ZAP70: variants seen among roughly 807,000 people sequenced by gnomAD.
ZAP70 encodes the protein zeta chain of T cell receptor associated protein kinase 70.
Under a neutral mutation model 65.8 loss-of-function variants are expected in ZAP70, and 27 were observed. That is an observed-to-expected ratio of 0.41 (90% CI 0.30 to 0.57). ZAP70 has a LOEUF of 0.57. Among genes scored for constraint, ZAP70 ranks in the 20% least tolerant of loss-of-function variants. The pLI is 0.28. For synonymous variants in ZAP70, 363 were observed against 360.8 expected (o/e 1.01, Z -0.07); for missense variants, 696 against 870.5 (o/e 0.80, Z 2.52).
intron 4 of ZAP70, among the ~76,000 whole-genome samples, chr2:97,726,176 C>T (rs768358731): frequency 7.2e-5 from 11 of 152,066 alleles, no homozygotes; most frequent in Non-Finnish European, 1.2e-4. Context: ...GGTGAACGTG[C>T]GTGTCTGAGC....
chr2:97,714,363 C>T (rs1020396), intron 2 of ZAP70, among the ~76,000 whole-genome samples: 45,716 of 152,176 alleles, frequency 0.3, 8,528 homozygotes, highest in Non-Finnish European at 0.4. Context: ...TCACCAGGGC[C>T]GTGAGCTCCA....
At chr2:97,756,310 G>A in the ZAP70 span, 113 of 152,176 alleles carry the variant, frequency 7.4e-4, no homozygotes, top group African/African-American at 2.5e-3. Flanking sequence ...TACACCTTGT[G>A]TGTAAAAAAA....
At chr2:97,746,392 T>C in the ZAP70 span, among the ~76,000 whole-genome samples, 5 of 152,344 alleles carry the variant, frequency 3.3e-5, no homozygotes, top group African/African-American at 1.2e-4. Flanking sequence ...ATACAGTTAC[T>C]CTCTGTAAGT....
chr2:97,748,290 A>G, the ZAP70 span, among the ~76,000 whole-genome samples: 2 of 152,240 alleles, frequency 1.3e-5, no homozygotes, highest in South Asian at 4.1e-4. Flanking sequence ...GTGTTGGTAC[A>G]GTATTTATAA....
At position 97,737,144 on chromosome 2, in the gene ZAP70, C is replaced by G. The variant is rs1677923659; in HGVS notation, c.1290-329C>G. Among the ~76,000 whole-genome samples, 1 of 152,030 alleles carries G rather than the reference C, an allele frequency of 6.6e-6. No individual in the cohort carries two copies. The highest frequency in any genetic ancestry group is 1.5e-5 in the Non-Finnish European group (1 of 68,014). ...ACAGTGGAGGAGCCATATGTGTGTG[C>G]ACATGGGGATGGGGACAATCAGGCC... On this transcript the variant is annotated intron_variant, in intron 10 of 13. Coordinates refer to ENST00000264972, the MANE Select transcript of ZAP70 (RefSeq NM_001079.4). This position sits in a 1 kb window ranked among gnomAD's most constrained non-coding sequence, Gnocchi z 5.0.
chr2:97,754,834 T>C, the ZAP70 span, among the ~76,000 whole-genome samples: 14 of 152,202 alleles, frequency 9.2e-5, no homozygotes, highest in African/African-American at 3.4e-4. Flanking sequence ...CAAGTGCACG[T>C]AGGAAACCCT....
chr2:97,754,976 A>T, the ZAP70 span, among the ~76,000 whole-genome samples: 1 of 152,222 alleles, frequency 6.6e-6, no homozygotes, highest in African/African-American at 2.4e-5. Flanking sequence ...GCTTTGGTAT[A>T]AAGCAGAGAA....
In ZAP70 at chr2:97,724,790, G is replaced by A. The variant is rs944650476; in HGVS notation, c.403-302G>A. The A allele has an allele frequency of 8.0e-6, 12 of 1,506,560 alleles. No individual in the cohort carries two copies. The African/African-American group carries it at 1.2e-4, about 16-fold the overall frequency. The allele number at this position is 1,506,560 out of a possible 1,614,324, so 93.3% of individuals were successfully genotyped here. A position where few individuals can be genotyped will look rare whatever the true frequency, so the allele number is the denominator to read the frequency against. On this transcript the variant is annotated intron_variant, in intron 3 of 13. Transcript: ENST00000264972. The stretch of plus-strand genomic sequence containing the variant: ...GAGCCCTTAGGGTAGGGTGGCTGTT[G>A]GGGAAGATGGGCAGTAGTCGTCCAC...
At chr2:97,721,300 C>A (rs545527325) in intron 2 of ZAP70, among the ~76,000 whole-genome samples, 1 of 152,350 alleles carries the variant, frequency 6.6e-6, no homozygotes, top group African/African-American at 2.4e-5. Context: ...CAACATGGCA[C>A]TTTTGTGGTC....
rs1214865215 is a variant in ZAP70, at chr2:97,713,911, C to T, written c.-100-5C>T. On this transcript the variant is annotated splice_polypyrimidine_tract_variant and splice_region_variant and intron_variant, in intron 1 of 13. Coordinates refer to ENST00000264972, the MANE Select transcript of ZAP70 (RefSeq NM_001079.4). The stretch of plus-strand genomic sequence containing the variant: ...CGGCTTTGTAAGCCCCGATTCCTCA[C>T]CCAGAACCGGCTCTCCATTGGCATT... 1 of 152,458 alleles carries T rather than the reference C, an allele frequency of 6.6e-6. No homozygotes were observed. The highest frequency in any genetic ancestry group is 2.4e-5 in the African/African-American group (1 of 41,458). The allele number at this position is 152,458 out of a possible 1,614,324, so 9.4% of individuals were successfully genotyped here. A position where few individuals can be genotyped will look rare whatever the true frequency, so the allele number is the denominator to read the frequency against.
downstream of ZAP70, among the ~76,000 whole-genome samples, chr2:97,744,052 C>A (rs1444366591): frequency 1.3e-5 from 2 of 152,170 alleles, no homozygotes; most frequent in African/African-American, 4.8e-5. Flanking sequence ...GAATGAAAGT[C>A]CAATTTCACC....
intron 2 of ZAP70, among the ~76,000 whole-genome samples, chr2:97,719,481 T>C (rs1420241080): frequency 6.7e-6 from 1 of 148,238 alleles, no homozygotes; most frequent in East Asian, 2.1e-4. Flanking sequence ...GGGCCCAGGA[T>C]TGAGGAGGTC....
In ZAP70 at chr2:97,731,029, C is replaced by T. The variant is rs1019661289; in HGVS notation, c.564-1854C>T. On this transcript the variant is annotated intron_variant, in intron 4 of 13. Coordinates refer to ENST00000264972, the MANE Select transcript of ZAP70 (RefSeq NM_001079.4). The surrounding 1 kb of genome is among the most constrained non-coding windows in gnomAD (Gnocchi z 4.0). Reference sequence around the variant, plus strand: ...GAGATCACGCCACTGCACTCCAGCCCGGGCTGTGGAGCGAGACTCGGTCTC... The same window carrying T: ...GAGATCACGCCACTGCACTCCAGCCTGGGCTGTGGAGCGAGACTCGGTCTC... Among the ~76,000 whole-genome samples the T allele has an allele frequency of 8.0e-5, 11 of 138,162 alleles. No homozygotes were observed. Among genetic ancestry groups the T allele is most frequent in the Non-Finnish European group, 1.1e-4 (7 of 65,770 alleles). The allele number at this position is 138,162 out of a possible 152,430, so 90.6% of individuals were successfully genotyped here. A position where few individuals can be genotyped will look rare whatever the true frequency, so the allele number is the denominator to read the frequency against.
the ZAP70 span, among the ~76,000 whole-genome samples, chr2:97,752,564 T>C: frequency 6.6e-6 from 1 of 152,246 alleles, no homozygotes; most frequent in African/African-American, 2.4e-5. Context: ...CTGATCTTGT[T>C]TCTTTAGCAC....
In ZAP70 at chr2:97,736,204, C is replaced by T. The variant is rs1251611822; in HGVS notation, c.1289+748C>T. Among the ~76,000 whole-genome samples, 4 of 151,510 alleles carry T rather than the reference C, an allele frequency of 2.6e-5. No homozygotes were observed. The highest frequency in any genetic ancestry group is 2.0e-4 in the Admixed American group (3 of 15,200). ...TTTTTTTTTTTTAAAGAAACAAAAA[C>T]GAAGATGTGACAGAGATCACTTGTG... On this transcript the variant is annotated intron_variant, in intron 10 of 13. Coordinates refer to ENST00000264972, the MANE Select transcript of ZAP70 (RefSeq NM_001079.4). This position sits in a 1 kb window ranked among gnomAD's most constrained non-coding sequence, Gnocchi z 4.0.
At chr2:97,719,212 A>G (rs959438735) in intron 2 of ZAP70, among the ~76,000 whole-genome samples, 1 of 152,126 alleles carries the variant, frequency 6.6e-6, no homozygotes, top group East Asian at 1.9e-4. Context: ...GTATTAATGG[A>G]AACAGTTGGT....
chr2:97,726,745 T>C (rs1677402485), intron 4 of ZAP70, among the ~76,000 whole-genome samples: 1 of 152,272 alleles, frequency 6.6e-6, no homozygotes, highest in African/African-American at 2.4e-5. Context: ...TTTCCAAGGC[T>C]TCTGAGGGAG....
chr2:97,747,071 T>C, the ZAP70 span, among the ~76,000 whole-genome samples: 1 of 150,240 alleles, frequency 6.7e-6, no homozygotes, highest in African/African-American at 2.5e-5. Context: ...ACTGTGGGAG[T>C]GGATGTGGAG....
At position 97,721,057 on chromosome 2, in the gene ZAP70, T is replaced by G. The variant is rs182972786; in HGVS notation, c.-21-2959T>G. Among the ~76,000 whole-genome samples, 352 of 152,348 alleles carry G rather than the reference T, an allele frequency of 2.3e-3. 3 individuals carry two copies. The highest frequency in any genetic ancestry group is 8.2e-3 in the African/African-American group (342 of 41,580). ...CCTGAGTAGCCTTGCTGGGCCTATG[T>G]TAGTAGAGAAACAACTCAGAACCGC... is the stretch of plus-strand genomic sequence containing the variant. On this transcript the variant is annotated intron_variant, in intron 2 of 13. Coordinates refer to ENST00000264972, the MANE Select transcript of ZAP70 (RefSeq NM_001079.4).
Sources: allele counts gnomAD v4.1 joint callset (sites outside exome capture counted in the v4.1 genomes callset), GRCh38; gene constraint gnomAD v4.1.1; non-coding constraint Gnocchi (gnomAD v3.1); transcripts MANE v1.5; gene names NCBI Gene and HGNC (gene_info 2026-07-23, HGNC 2026-07-21).